Variants in GRIK2 observed in about 807,000 individuals in gnomAD.
GRIK2 encodes glutamate ionotropic receptor kainate type subunit 2.
In GRIK2, 32 loss-of-function variants were observed where a neutral mutation model predicts 100.3. The ratio of observed to expected loss-of-function variants is 0.32; its 90% CI spans 0.24 to 0.43. GRIK2 has a LOEUF of 0.43. GRIK2 is among the 20% of genes least tolerant of loss of function. The pLI is 1.00. For missense variants in GRIK2, 843 were observed against 1,114.9 expected (o/e 0.76, Z 3.47); for synonymous variants, 417 against 389.4 (o/e 1.07, Z -0.83).
At chr6:101,815,276 C>A (rs905004957) in intron 9 of GRIK2, among the ~76,000 whole-genome samples, 3 of 152,100 alleles carry the variant, frequency 2.0e-5, no homozygotes, top group South Asian at 2.1e-4. Flanking sequence ...CTTCTTATAT[C>A]TTCTGCATAT....
At chr6:101,837,219 A>G (rs1783185583) in intron 10 of GRIK2, among the ~76,000 whole-genome samples, 1 of 152,162 alleles carries the variant, frequency 6.6e-6, no homozygotes, top group African/African-American at 2.4e-5. Context: ...CCAGACATTC[A>G]GGTTGATGAA....
intron 2 of GRIK2, among the ~76,000 whole-genome samples, chr6:101,435,249 T>A (rs763973063): frequency 2.0e-5 from 3 of 152,148 alleles, no homozygotes; most frequent in Non-Finnish European, 4.4e-5. Context: ...GGAATAATCC[T>A]TACCTTTGTC....
chr6:101,704,805 A>C (rs17062365), intron 7 of GRIK2, among the ~76,000 whole-genome samples: 1 of 151,180 alleles, frequency 6.6e-6, no homozygotes, highest in South Asian at 2.1e-4. Context: ...CACTTCAAAG[A>C]TATCAAGTGT....
At chr6:101,522,622 A>G (rs1177300312) in intron 2 of GRIK2, among the ~76,000 whole-genome samples, 1 of 152,158 alleles carries the variant, frequency 6.6e-6, no homozygotes, top group Non-Finnish European at 1.5e-5. Context: ...TTCAAGAAGA[A>G]GAAGGTTGGT....
chr6:101,515,581 G>C (rs1446204007), intron 2 of GRIK2, among the ~76,000 whole-genome samples: 2 of 151,996 alleles, frequency 1.3e-5, no homozygotes, highest in Non-Finnish European at 2.9e-5. Flanking sequence ...AACATGTACT[G>C]TTTATTGATT....
chr6:101,855,263 A>G (rs749419909), intron 10 of GRIK2, among the ~76,000 whole-genome samples: 1 of 152,114 alleles, frequency 6.6e-6, no homozygotes, highest in African/African-American at 2.4e-5. Flanking sequence ...AAATTAATGA[A>G]CATAATCTCT....
At chr6:101,675,765 A>G (rs1770788867) in intron 4 of GRIK2, among the ~76,000 whole-genome samples, 1 of 152,174 alleles carries the variant, frequency 6.6e-6, no homozygotes, top group South Asian at 2.1e-4. Context: ...TACTTTACAA[A>G]TGTGTGCAGG....
intron 11 of GRIK2, among the ~76,000 whole-genome samples, chr6:101,873,715 G>A (rs1044272666): frequency 8.6e-5 from 13 of 151,998 alleles, no homozygotes; most frequent in African/African-American, 3.1e-4. Context: ...CCCACCAACA[G>A]TGTAAAAGTG....
Position 101,581,046 on chromosome 6 carries a change from G to A in GRIK2, c.116-40903G>A, listed in dbSNP as rs560726971. Among the ~76,000 whole-genome samples the A allele has an allele frequency of 2.0e-5, 3 of 151,994 alleles. No homozygotes were observed. In the South Asian group the frequency reaches 6.2e-4, roughly 32 times the overall value. ...CTGATAGAATGTAAGTTTCAAGAGA[G>A]TAGGGATTTTTGCCTTTTTTCAGTC... On this transcript the variant is annotated intron_variant, in intron 2 of 16. Coordinates refer to ENST00000369134, the MANE Select transcript of GRIK2 (RefSeq NM_021956.5).
intron 2 of GRIK2, among the ~76,000 whole-genome samples, chr6:101,610,214 G>A (rs978204074): frequency 2.6e-5 from 4 of 151,202 alleles, no homozygotes; most frequent in East Asian, 3.9e-4. Context: ...AAGAAATGAA[G>A]GACCTATCTT....
chr6:101,863,964 C>G (rs1195329403), intron 11 of GRIK2, among the ~76,000 whole-genome samples: 1 of 151,238 alleles, frequency 6.6e-6, no homozygotes, highest in African/African-American at 2.4e-5. Context: ...GGTGAAACCC[C>G]GTCTCTACTA....
chr6:101,917,490 G>T (rs986578698), intron 12 of GRIK2, among the ~76,000 whole-genome samples: 3 of 151,490 alleles, frequency 2.0e-5, no homozygotes, highest in Admixed American at 6.6e-5. Context: ...TAGTCATTCT[G>T]TGAAAGTTTT....
At chr6:101,664,316 GT>G (rs1769852505) in intron 4 of GRIK2, among the ~76,000 whole-genome samples, 1 of 152,180 alleles carries the variant, frequency 6.6e-6, no homozygotes, top group Admixed American at 6.5e-5. Context: ...CTAGGCTTTG[GT>G]CAGCAAAGAA....
Position 101,609,762 on chromosome 6 carries a change from GTT to G in GRIK2, c.116-12184_116-12183del, listed in dbSNP as rs557561413. Among the ~76,000 whole-genome samples, 79 of 151,730 alleles carry G rather than the reference GTT, an allele frequency of 5.2e-4. 1 individual carries two copies. Among genetic ancestry groups the G allele is most frequent in the Non-Finnish European group, 6.6e-4 (45 of 67,866 alleles). On this transcript the variant is annotated intron_variant, in intron 2 of 16. Transcript: ENST00000369134. ...TCAAAGAAGAGTAAGCCATCAAAGA[GTT>G]TTCAGAGGAACCATGTATGGTAATA...
chr6:102,012,389 G>A (rs1287803779), intron 14 of GRIK2, among the ~76,000 whole-genome samples: 3 of 151,794 alleles, frequency 2.0e-5, no homozygotes. Flanking sequence ...ATAATAATTT[G>A]CTAAGATTTT....
chr6:101,999,110 A>G (rs938670189), intron 14 of GRIK2, among the ~76,000 whole-genome samples: 2 of 151,920 alleles, frequency 1.3e-5, no homozygotes. Context: ...GCATTTTTCT[A>G]TAACAATACT....
chr6:101,625,955 G>T (rs1453211288), intron 3 of GRIK2, among the ~76,000 whole-genome samples: 2 of 152,124 alleles, frequency 1.3e-5, no homozygotes, highest in African/African-American at 2.4e-5. Flanking sequence ...ATAGCTAATT[G>T]CACGAGTAAA....
intron 7 of GRIK2, among the ~76,000 whole-genome samples, chr6:101,779,283 C>G (rs1436442583): frequency 6.6e-6 from 1 of 152,084 alleles, no homozygotes; most frequent in Admixed American, 6.6e-5. Flanking sequence ...GCATTTGTCA[C>G]TCTTCTGCCT....
intron 14 of GRIK2, among the ~76,000 whole-genome samples, chr6:101,985,090 C>G (rs1036143210): frequency 6.6e-6 from 1 of 151,494 alleles, no homozygotes; most frequent in Non-Finnish European, 1.5e-5. Flanking sequence ...AGAGAATAAG[C>G]AATTGAAGTA....
Sources: gnomAD v4.1 joint callset for allele counts (sites outside exome capture counted in the v4.1 genomes callset) on GRCh38, gnomAD v4.1.1 for gene constraint, MANE v1.5 for transcripts, NCBI Gene and HGNC (gene_info 2026-07-23, HGNC 2026-07-21) for gene names.